Variants in ZNF608 observed in about 807,000 individuals in gnomAD.
ZNF608 encodes renal carcinoma antigen NY-REN-36.
ZNF608 carries 12 observed loss-of-function variants against 109.0 expected under a neutral mutation model. That is an observed-to-expected ratio of 0.11 (90% CI 0.07 to 0.18). The LOEUF is 0.18. ZNF608 is among the 10% of genes least tolerant of loss of function. ZNF608 has a pLI of 1.00. For synonymous variants in ZNF608, 732 were observed against 717.4 expected, an observed-to-expected ratio of 1.02 and a Z score of -0.33; for missense variants, 1,707 against 1,879.3, an observed-to-expected ratio of 0.91 and a Z score of 1.70.
chr5:124,690,784 A>G (rs926336664), intron 3 of ZNF608, among the ~76,000 whole-genome samples: 9 of 152,196 alleles, frequency 5.9e-5, no homozygotes, highest in Admixed American at 5.9e-4. Context: ...ACTAACAAGT[A>G]ACATGTAACT....
chr5:124,641,811 C>T (rs1750253147), intron 7 of ZNF608, among the ~76,000 whole-genome samples: 1 of 152,160 alleles, frequency 6.6e-6, no homozygotes, highest in Admixed American at 6.5e-5. Context: ...GAACATATCT[C>T]ACAGTTTTAA....
chr5:124,667,249 G>A (rs1400514575), intron 3 of ZNF608, among the ~76,000 whole-genome samples: 2 of 152,174 alleles, frequency 1.3e-5, no homozygotes, highest in African/African-American at 4.8e-5. Flanking sequence ...GATGGCAGGA[G>A]GAATGGTGGG....
intron 5 of ZNF608, among the ~76,000 whole-genome samples, chr5:124,645,365 G>C (rs1750448410): frequency 6.6e-6 from 1 of 152,194 alleles, no homozygotes; most frequent in Admixed American, 6.5e-5. Context: ...TTGACAGCCT[G>C]ATTTATGCCT....
chr5:124,746,137 GA>G (rs1319724963), intron 1 of ZNF608, 57 bp downstream of exon 1: 3 of 984,904 alleles, frequency 3.0e-6, no homozygotes, highest in East Asian at 1.1e-4. Context: ...TGATTGTCAA[GA>G]AAAAAATAAA....
intron 2 of ZNF608, among the ~76,000 whole-genome samples, chr5:124,729,241 T>G (rs991474268): frequency 2.7e-4 from 41 of 152,344 alleles, no homozygotes; most frequent in African/African-American, 7.9e-4. Flanking sequence ...CACTGTCCCT[T>G]TCACAAGCTT....
chr5:124,686,597 A>G (rs1235755571), intron 3 of ZNF608, among the ~76,000 whole-genome samples: 1 of 152,182 alleles, frequency 6.6e-6, no homozygotes, highest in Non-Finnish European at 1.5e-5. Context: ...GGCTTTTTGT[A>G]TTCTGAAAAG....
At chr5:124,668,766 A>G (rs1751590628) in intron 3 of ZNF608, among the ~76,000 whole-genome samples, 1 of 152,166 alleles carries the variant, frequency 6.6e-6, no homozygotes, top group Admixed American at 6.5e-5. Flanking sequence ...TAAGACTAAC[A>G]CAAAGCTAAG....
At position 124,641,329 on chromosome 5, in the gene ZNF608, C is replaced by T. The variant is rs201561381; in HGVS notation, c.4373G>A (p.Arg1458Gln). Reference sequence around the variant, plus strand: ...GGTGTGGTGGTGCGTGTGCAGGTGCCGCTGGCCGAAGGGGGAGTGGCGATC... The same window carrying T: ...GGTGTGGTGGTGCGTGTGCAGGTGCTGCTGGCCGAAGGGGGAGTGGCGATC... ...ERDRHSPFGQ[R>Q]HLHTHHHTHV... The change falls in exon 8 of 10, where the codon CGG (arginine) becomes CAG (glutamine). Residue 1458 changes from arginine to glutamine, a missense_variant. Physicochemically the swap from Arg to Gln is conservative, Grantham distance 43 (BLOSUM62 1). Around this residue, in one of 7 missense-constraint regions of ZNF608, gnomAD observed 1,073 missense variants for 1,133.5 expected, o/e 0.95. Transcript: ENST00000513986. 1.1e-5 allele frequency: 17 copies of T among 1,613,974 alleles called. No individual in the cohort carries two copies. The highest frequency in any genetic ancestry group is 2.2e-5 in the East Asian group (1 of 44,870).
At chr5:124,660,097 A>G (rs760439539) in intron 3 of ZNF608, among the ~76,000 whole-genome samples, 81 of 152,134 alleles carry the variant, frequency 5.3e-4, no homozygotes, top group Non-Finnish European at 9.7e-4. Context: ...TCACTCTGCT[A>G]TTATTCCATT....
At chr5:124,748,525 GTACT>G (rs1371525849), upstream of ZNF608, 7 of 985,154 alleles carry the variant, frequency 7.1e-6, no homozygotes, top group Non-Finnish European at 8.4e-6. Flanking sequence ...CCACGCAACC[GTACT>G]TACGGTCTGT....
intron 3 of ZNF608, among the ~76,000 whole-genome samples, chr5:124,669,721 G>C (rs2149812517): frequency 6.6e-6 from 1 of 151,818 alleles, no homozygotes; most frequent in South Asian, 2.1e-4. Flanking sequence ...TTCATACCTA[G>C]GCTTATCAGA....
At chr5:124,739,679 G>A (rs1248143950) in intron 2 of ZNF608, among the ~76,000 whole-genome samples, 2 of 152,194 alleles carry the variant, frequency 1.3e-5, no homozygotes, top group Non-Finnish European at 2.9e-5. Context: ...TTTTCACAGT[G>A]TTGCTCATAT....
At chr5:124,673,799 G>A (rs1341276733) in intron 3 of ZNF608, among the ~76,000 whole-genome samples, 1 of 152,124 alleles carries the variant, frequency 6.6e-6, no homozygotes, top group Non-Finnish European at 1.5e-5. Flanking sequence ...TAAATCGGCT[G>A]TTTATTTCAA....
Position 124,683,513 on chromosome 5 carries a change from T to C in ZNF608, c.1162+17501A>G, listed in dbSNP as rs148715887. ...CTATAAAATACCTAAAACTGAAAAA[T>C]AAATCAAGAAATATCCACATAAACA... On this transcript the variant is annotated intron_variant, in intron 3 of 9. Transcript: ENST00000513986. Among the ~76,000 whole-genome samples the C allele has an allele frequency of 2.6e-3, 402 of 152,094 alleles. 1 individual carries two copies. The highest frequency in any genetic ancestry group is 9.2e-3 in the African/African-American group (381 of 41,500).
At chr5:124,683,104 C>T (rs1752263976) in intron 3 of ZNF608, among the ~76,000 whole-genome samples, 1 of 152,146 alleles carries the variant, frequency 6.6e-6, no homozygotes, top group Non-Finnish European at 1.5e-5. Flanking sequence ...TGGAGAGGCC[C>T]ACATGGCATA....
intron 3 of ZNF608, among the ~76,000 whole-genome samples, chr5:124,666,042 A>G (rs572835218): frequency 6.6e-6 from 1 of 152,360 alleles, no homozygotes; most frequent in South Asian, 2.1e-4. Flanking sequence ...TGTGCGTACT[A>G]GGTTGCTTGT....
intron 2 of ZNF608, among the ~76,000 whole-genome samples, chr5:124,729,487 A>G (rs1293892996): frequency 2.0e-5 from 3 of 152,228 alleles, no homozygotes; most frequent in African/African-American, 4.8e-5. Context: ...AAACACTCAC[A>G]TTTAGGAAAC....
At chr5:124,646,554 G>A in intron 5 of ZNF608, 125 bp downstream of exon 5, 1 of 1,173,614 alleles carries the variant, frequency 8.5e-7, no homozygotes, top group Admixed American at 2.5e-5. Flanking sequence ...TTTTTCAAGA[G>A]CAGAGGAAAA....
intron 3 of ZNF608, among the ~76,000 whole-genome samples, chr5:124,664,584 G>A (rs1045747905): frequency 6.6e-6 from 1 of 152,144 alleles, no homozygotes; most frequent in Admixed American, 6.5e-5. Context: ...CTCAGAGCCT[G>A]TGTGTCAGGT....
Sources: allele counts gnomAD v4.1 joint callset (sites outside exome capture counted in the v4.1 genomes callset), GRCh38; gene constraint gnomAD v4.1.1; regional missense constraint gnomAD v4.1.1; transcripts MANE v1.5; gene names NCBI Gene and HGNC (gene_info 2026-07-23, HGNC 2026-07-21).